SLC39A8: variants seen among roughly 807,000 people sequenced by gnomAD.
SLC39A8 encodes solute carrier family 39 member 8, also known as metal cation symporter ZIP8.
Under a neutral mutation model 40.4 loss-of-function variants are expected in SLC39A8, and 15 were observed. That is an observed-to-expected ratio of 0.37 (90% CI 0.25 to 0.57). SLC39A8 has a LOEUF of 0.57. Among genes scored for constraint, SLC39A8 ranks in the 20% least tolerant of loss-of-function variants. The pLI, the probability that SLC39A8 is intolerant of heterozygous loss-of-function variation, is 0.75. For missense variants in SLC39A8, 472 were observed against 558.8 expected (o/e 0.84, Z 1.57); for synonymous variants, 223 against 221.6 (o/e 1.01, Z -0.06).
At chr4:102,290,561 A>G (rs1348862828) in intron 6 of SLC39A8, among the ~76,000 whole-genome samples, 2 of 152,068 alleles carry the variant, frequency 1.3e-5, no homozygotes, top group Admixed American at 6.6e-5. Context: ...CTCCTTGTCT[A>G]CAACAGTGTG....
chr4:102,319,862 G>C (rs933743670), intron 2 of SLC39A8, among the ~76,000 whole-genome samples: 13 of 152,098 alleles, frequency 8.5e-5, no homozygotes, highest in African/African-American at 3.1e-4. Context: ...GGTGGACTCC[G>C]TTAAGTAGAT....
At chr4:102,296,195 C>G (rs1490834930) in intron 6 of SLC39A8, among the ~76,000 whole-genome samples, 8 of 151,978 alleles carry the variant, frequency 5.3e-5, no homozygotes, top group Admixed American at 4.6e-4. Context: ...AAAATCTACT[C>G]AAATTTTAAG....
chr4:102,278,322 G>A (rs755208436), intron 6 of SLC39A8, among the ~76,000 whole-genome samples: 24 of 152,182 alleles, frequency 1.6e-4, no homozygotes, highest in Non-Finnish European at 2.6e-4. Context: ...CAAAAAGTGG[G>A]TGAAGAATAT....
chr4:102,274,460 C>A (rs1036282898), intron 6 of SLC39A8, among the ~76,000 whole-genome samples: 2 of 152,112 alleles, frequency 1.3e-5, no homozygotes, highest in Non-Finnish European at 2.9e-5. Flanking sequence ...TGTGAAAAGA[C>A]CAAACCTACG....
chr4:102,251,926 C>A (rs1731601304), exon 12 of SLC39A8: 1 of 152,208 alleles, frequency 6.6e-6, no homozygotes, highest in Non-Finnish European at 1.5e-5. Flanking sequence ...TTTAAAATAT[C>A]TGTAATTCAA....
chr4:102,270,552 G>A (rs1443824744), intron 6 of SLC39A8, among the ~76,000 whole-genome samples: 2 of 151,998 alleles, frequency 1.3e-5, no homozygotes, highest in Admixed American at 1.3e-4. Flanking sequence ...GTTTTCTATT[G>A]TTATTGTTGT....
At chr4:102,256,033 G>T (rs941301000) in intron 11 of SLC39A8, among the ~76,000 whole-genome samples, 1 of 152,104 alleles carries the variant, frequency 6.6e-6, no homozygotes, top group Admixed American at 6.6e-5. Context: ...AAAGTAGAAA[G>T]ATCCATATGA....
At chr4:102,336,871 T>C (rs2149054890) in intron 2 of SLC39A8, among the ~76,000 whole-genome samples, 1 of 152,346 alleles carries the variant, frequency 6.6e-6, no homozygotes, top group South Asian at 2.1e-4. Context: ...TTAGTTTTGA[T>C]TACAAACAGG....
chr4:102,269,721 A>G (rs1479181277), intron 6 of SLC39A8: 1 of 152,338 alleles, frequency 6.6e-6, no homozygotes, highest in East Asian at 1.9e-4. Flanking sequence ...GGGGATGGGA[A>G]TTCTTCTCTG....
chr4:102,260,023 G>C (rs1731804118), downstream of SLC39A8, among the ~76,000 whole-genome samples: 1 of 152,164 alleles, frequency 6.6e-6, no homozygotes, highest in Non-Finnish European at 1.5e-5. Context: ...GGAGGCTAAG[G>C]CAGAGAAACT....
At chr4:102,278,838 A>C (rs1447796359) in intron 6 of SLC39A8, among the ~76,000 whole-genome samples, 1 of 152,220 alleles carries the variant, frequency 6.6e-6, no homozygotes, top group Non-Finnish European at 1.5e-5. Flanking sequence ...TGTCCTTTGC[A>C]GGGACATGGA....
At chr4:102,343,323 T>C (rs1736022802) in intron 2 of SLC39A8, among the ~76,000 whole-genome samples, 1 of 152,230 alleles carries the variant, frequency 6.6e-6, no homozygotes, top group Admixed American at 6.5e-5. Flanking sequence ...GGAATTTATT[T>C]GATTACAGTT....
At chr4:102,306,130 G>A (rs770135626) in intron 4 of SLC39A8, among the ~76,000 whole-genome samples, 1 of 151,954 alleles carries the variant, frequency 6.6e-6, no homozygotes, top group Non-Finnish European at 1.5e-5. Context: ...GAAAATTTGA[G>A]AGATTATTAC....
At chr4:102,291,641 T>A (rs923036578) in intron 6 of SLC39A8, among the ~76,000 whole-genome samples, 1 of 151,894 alleles carries the variant, frequency 6.6e-6, no homozygotes, top group Non-Finnish European at 1.5e-5. Flanking sequence ...TCCATTCCAC[T>A]CTGGCCCCTG....
intron 11 of SLC39A8, among the ~76,000 whole-genome samples, chr4:102,254,563 G>A (rs1347648454): frequency 1.3e-5 from 2 of 152,162 alleles, no homozygotes; most frequent in Non-Finnish European, 2.9e-5. Flanking sequence ...TATCAGTGAG[G>A]CATGTGCCTT....
downstream of SLC39A8, among the ~76,000 whole-genome samples, chr4:102,257,477 T>C (rs1731734179): frequency 2.0e-5 from 3 of 152,212 alleles, 1 homozygote; most frequent in Admixed American, 1.3e-4. Context: ...GAAGGCCTTC[T>C]TGGGCAAAAC....
intron 6 of SLC39A8, among the ~76,000 whole-genome samples, chr4:102,301,347 A>G (rs531911066): frequency 6.6e-6 from 1 of 152,112 alleles, no homozygotes; most frequent in South Asian, 2.1e-4. Context: ...CGATATTTGC[A>G]TGACTGGTTC....
Position 102,340,982 on chromosome 4 carries a change from T to C in SLC39A8, c.219+3462A>G, listed in dbSNP as rs186452753. 6.6e-5 allele frequency among the ~76,000 whole-genome samples: 10 copies of C among 152,208 alleles called. No homozygotes were observed. The East Asian group carries it at 1.9e-3, about 29-fold the overall frequency. The stretch of plus-strand genomic sequence containing the variant: ...TGGGAATCCATAGAGCAGTGAGTAG[T>C]TTAGTTTAGTGGGTGCTAGGTCTGG... On this transcript the variant is annotated intron_variant, in intron 2 of 8. Transcript: ENST00000356736.
chr4:102,288,814 GA>G (rs541971636), intron 6 of SLC39A8, among the ~76,000 whole-genome samples: 141 of 152,270 alleles, frequency 9.3e-4, no homozygotes, highest in African/African-American at 3.3e-3. Context: ...AGCTGAAGAA[GA>G]AAGGTTGGAA....
Sources: allele counts gnomAD v4.1 joint callset (sites outside exome capture counted in the v4.1 genomes callset), GRCh38; gene constraint gnomAD v4.1.1; transcripts MANE v1.5; gene names NCBI Gene and HGNC (gene_info 2026-07-23, HGNC 2026-07-21).